Variants in SLC22A14 observed in about 807,000 individuals in gnomAD.
The protein encoded by SLC22A14 is solute carrier family 22 member 14.
Under a neutral mutation model 53.9 loss-of-function variants are expected in SLC22A14, and 50 were observed. That is an observed-to-expected ratio of 0.93 (90% CI 0.74 to 1.17). The LOEUF is 1.17. Among genes scored for constraint, SLC22A14 ranks in the 50% most tolerant of loss-of-function variants. The pLI is 0.00. For synonymous variants in SLC22A14, 312 were observed against 303.0 expected, an observed-to-expected ratio of 1.03 and a Z score of -0.31; for missense variants, 671 against 734.7, an observed-to-expected ratio of 0.91 and a Z score of 1.00.
chr3:38,280,583 C>T (rs137879145), upstream of SLC22A14, among the ~76,000 whole-genome samples: 363 of 151,826 alleles, frequency 2.4e-3, 1 homozygote, highest in African/African-American at 8.4e-3. Context: ...ATTGGAAATT[C>T]ATCTCAGCTG....
intron 1 of SLC22A14, among the ~76,000 whole-genome samples, chr3:38,295,912 A>G (rs1704026825): frequency 6.6e-6 from 1 of 152,058 alleles, no homozygotes; most frequent in African/African-American, 2.4e-5. Flanking sequence ...CCATGTTGAG[A>G]GCTATATACC....
intron 1 of SLC22A14, chr3:38,303,911 G>A (rs6650917): frequency 0.064 from 9,745 of 152,008 alleles, 369 homozygotes; most frequent in East Asian, 0.16. Flanking sequence ...CAATCAGGCC[G>A]GGCGCGGTGG....
intron 1 of SLC22A14, among the ~76,000 whole-genome samples, chr3:38,302,199 A>G (rs1704175035): frequency 6.8e-6 from 1 of 148,130 alleles, no homozygotes; most frequent in Admixed American, 6.8e-5. Flanking sequence ...GCATCACTGC[A>G]CTCCAGGCTG....
rs1340410838 is a variant in SLC22A14, at chr3:38,307,496, C to T, written c.621-70C>T. The T allele has an allele frequency of 6.3e-7, 1 of 1,597,138 alleles. No individual in the cohort carries two copies. Among genetic ancestry groups the T allele is most frequent in the Admixed American group, 1.7e-5 (1 of 59,620 alleles). ...CCCATGGATGGCTCAGGGCCTGGCC[C>T]AGGTGTATCCGGCTGGGGCCAGCCC... is the stretch of plus-strand genomic sequence containing the variant. On this transcript the variant is annotated intron_variant, in intron 3 of 10. Coordinates refer to ENST00000448498, the MANE Select transcript of SLC22A14 (RefSeq NM_001320033.2). This position sits in a 1 kb window ranked among gnomAD's most constrained non-coding sequence, Gnocchi z 4.4.
chr3:38,288,193 T>A (rs184746535), intron 1 of SLC22A14, among the ~76,000 whole-genome samples: 7 of 152,362 alleles, frequency 4.6e-5, no homozygotes, highest in African/African-American at 1.7e-4. Flanking sequence ...ATACATGTCC[T>A]TTTGTGATTT....
chr3:38,285,129 A>G (rs1440732066), intron 1 of SLC22A14, among the ~76,000 whole-genome samples: 1 of 152,202 alleles, frequency 6.6e-6, no homozygotes, highest in Non-Finnish European at 1.5e-5. Flanking sequence ...AACATGATCA[A>G]TGTGAAGATG....
intron 5 of SLC22A14, among the ~76,000 whole-genome samples, chr3:38,310,345 T>A (rs1009304118): frequency 3.9e-5 from 6 of 152,132 alleles, no homozygotes; most frequent in African/African-American, 1.2e-4. Context: ...ATTACTGCAC[T>A]CCAGCCTGGG....
At chr3:38,298,576 G>GTT (rs1396015049) in intron 1 of SLC22A14, among the ~76,000 whole-genome samples, 2 of 151,992 alleles carry the variant, frequency 1.3e-5, no homozygotes, top group Admixed American at 6.6e-5. Flanking sequence ...GTGTGTGTGT[G>GTT]TGTTTTAGAC....
rs749179440 is a variant in SLC22A14 at position 38,316,454 on chromosome 3, C to T, written c.1663C>T (p.Leu555Phe). The change falls in exon 10 of 11, where the codon CTC (leucine) becomes TTC (phenylalanine). Residue 555 changes from leucine to phenylalanine, a missense_variant. Leu to Phe is a conservative substitution (Grantham distance 22, BLOSUM62 0). Coordinates refer to ENST00000448498, the MANE Select transcript of SLC22A14 (RefSeq NM_001320033.2). Reference sequence around the variant, plus strand: ...CGTCTTAGCCATCGTGGCCTTTTCCCTCTCCTCCCTGCTGCCGGAAACGCG... The same window carrying T: ...CGTCTTAGCCATCGTGGCCTTTTCCTTCTCCTCCCTGCTGCCGGAAACGCG... The part of the protein sequence containing the change: ...CCVLAIVAFS[L>F]SSLLPETRDQ... 3.1e-6 allele frequency: 5 copies of T among 1,614,040 alleles called. No individual in the cohort carries two copies. The African/African-American group carries it at 5.3e-5, about 17-fold the overall frequency.
At chr3:38,315,406 C>T (rs1237603832) in intron 8 of SLC22A14, 152 bp from the exon 9 acceptor site, 4 of 799,578 alleles carry the variant, frequency 5.0e-6, no homozygotes, top group East Asian at 2.7e-5. Context: ...TCCTGCCTTC[C>T]AGCCTGGCTG....
rs1449133363 is a variant in SLC22A14, at chr3:38,318,390, T to G, written c.*141T>G. On this transcript the variant is annotated 3_prime_UTR_variant, in exon 11 of 11. Coordinates refer to ENST00000448498, the MANE Select transcript of SLC22A14 (RefSeq NM_001320033.2). ...TGAGGGCCAGGCCCCCAGACCATCT[T>G]GGGTTGGAATTGAGTGGCCAAGTAT... is the stretch of plus-strand genomic sequence containing the variant. 3 of 785,370 alleles carry G rather than the reference T, an allele frequency of 3.8e-6. No individual in the cohort carries two copies. Among genetic ancestry groups the G allele is most frequent in the South Asian group, 3.2e-5 (2 of 63,122 alleles). The allele number at this position is 785,370 out of a possible 1,614,324, so 48.7% of individuals were successfully genotyped here.
chr3:38,298,791 G>A (rs1704098387), intron 1 of SLC22A14, among the ~76,000 whole-genome samples: 1 of 152,104 alleles, frequency 6.6e-6, no homozygotes, highest in Non-Finnish European at 1.5e-5. Context: ...CCTGACCTCA[G>A]GTGATCCACC....
Position 38,307,748 on chromosome 3 carries a change from C to T in SLC22A14, c.775+28C>T, listed in dbSNP as rs1211918876. 6.2e-7 allele frequency: 1 copy of T among 1,611,546 alleles called. No individual in the cohort carries two copies. On this transcript the variant is annotated intron_variant, in intron 4 of 10. Transcript: ENST00000448498. This position sits in a 1 kb window ranked among gnomAD's most constrained non-coding sequence, Gnocchi z 4.4. Reference sequence around the variant, plus strand: ...GAGACTGGGCCTCAATGGGGCAGGGCAGGGTGGCACAGGGGCATGGCGGCA... The same window carrying T: ...GAGACTGGGCCTCAATGGGGCAGGGTAGGGTGGCACAGGGGCATGGCGGCA...
chr3:38,310,370 C>T (rs768024167), intron 5 of SLC22A14, among the ~76,000 whole-genome samples: 4 of 152,016 alleles, frequency 2.6e-5, no homozygotes, highest in Non-Finnish European at 4.4e-5. Context: ...AGAGTGAGAT[C>T]CTGTTTAAAA....
intron 1 of SLC22A14, among the ~76,000 whole-genome samples, chr3:38,297,676 G>T (rs1426993487): frequency 6.6e-6 from 1 of 152,150 alleles, no homozygotes; most frequent in African/African-American, 2.4e-5. Flanking sequence ...TTTCTGGCAA[G>T]AATACCTCAG....
At chr3:38,312,243 G>A (rs762431066) in intron 5 of SLC22A14, among the ~76,000 whole-genome samples, 3 of 152,176 alleles carry the variant, frequency 2.0e-5, no homozygotes. Context: ...GTGTCCTCGG[G>A]CAAGCCTTTT....
At position 38,306,201 on chromosome 3, in the gene SLC22A14, G is replaced by A; in HGVS notation, c.175G>A (p.Val59Met). ...CAAGTTTGCCAACCTCCTGGATGCG[G>A]TGGGGGAGTTTGGCACATTCCAGCA... ...DDKFANLLDA[V>M]GEFGTFQQRL... The change falls in exon 2 of 11, where the codon GTG becomes ATG. Residue 59 changes from valine (V) to methionine (M), a missense_variant. Coordinates refer to ENST00000448498, the MANE Select transcript of SLC22A14 (RefSeq NM_001320033.2). 1.9e-6 allele frequency: 3 copies of A among 1,614,186 alleles called. No individual in the cohort carries two copies. The highest frequency in any genetic ancestry group is 2.7e-5 in the African/African-American group (2 of 75,044).
upstream of SLC22A14, among the ~76,000 whole-genome samples, chr3:38,280,010 G>T (rs962638577): frequency 6.6e-6 from 1 of 152,182 alleles, no homozygotes; most frequent in African/African-American, 2.4e-5. Flanking sequence ...GGCTAAAATA[G>T]GTTGGAACCA....
chr3:38,309,188 A>T (rs1464197185), intron 5 of SLC22A14, 66 bp downstream of exon 5: 1 of 1,394,586 alleles, frequency 7.2e-7, no homozygotes, highest in Non-Finnish European at 1.0e-6. Context: ...ATGAGTATGG[A>T]GGGTCCTTGA....
Sources: gnomAD v4.1 joint callset for allele counts (sites outside exome capture counted in the v4.1 genomes callset) on GRCh38, gnomAD v4.1.1 for gene constraint, Gnocchi (gnomAD v3.1) non-coding constraint, MANE v1.5 for transcripts, NCBI Gene and HGNC (gene_info 2026-07-23, HGNC 2026-07-21) for gene names.